POPDC1: variants seen among roughly 807,000 people sequenced by gnomAD.
POPDC1 encodes popeye domain-containing protein 1.
chr6:105,111,524 G>T, the POPDC1 span, among the ~76,000 whole-genome samples: 1 of 152,138 alleles, frequency 6.6e-6, no homozygotes, highest in Non-Finnish European at 1.5e-5. Flanking sequence ...TTCCTATCTC[G>T]CTATATTCCA....
chr6:105,134,186 A>G, the POPDC1 span, among the ~76,000 whole-genome samples: 2 of 151,988 alleles, frequency 1.3e-5, no homozygotes, highest in Non-Finnish European at 2.9e-5. Context: ...ATAGCCATAT[A>G]AACATTTATA....
At chr6:105,115,211 C>G in the POPDC1 span, among the ~76,000 whole-genome samples, 1 of 152,206 alleles carries the variant, frequency 6.6e-6, no homozygotes, top group Admixed American at 6.5e-5. Context: ...CTCAGCCTCC[C>G]GAGTAGCCAG....
At chr6:105,130,015 C>T in the POPDC1 span, among the ~76,000 whole-genome samples, 1 of 150,918 alleles carries the variant, frequency 6.6e-6, no homozygotes, top group Non-Finnish European at 1.5e-5. Flanking sequence ...CAAAAAAACC[C>T]CAAATATATG....
At chr6:105,119,184 C>CAAAA in the POPDC1 span, among the ~76,000 whole-genome samples, 5 of 111,226 alleles carry the variant, frequency 4.5e-5, no homozygotes, top group East Asian at 2.5e-4. Context: ...GACTCCCTCT[C>CAAAA]AAAAAAAAAA....
the POPDC1 span, among the ~76,000 whole-genome samples, chr6:105,134,056 A>G: frequency 6.6e-6 from 1 of 152,162 alleles, no homozygotes; most frequent in African/African-American, 2.4e-5. Context: ...ATACTTAAAA[A>G]ATATGAATAC....
chr6:105,116,746 G>T, the POPDC1 span: 1 of 1,609,992 alleles, frequency 6.2e-7, no homozygotes, highest in Non-Finnish European at 8.5e-7. Context: ...GCTTATTTGT[G>T]ATGTCTTTTC....
chr6:105,100,488 CGACA>C, the POPDC1 span: 1 of 144,960 alleles, frequency 6.9e-6, no homozygotes, highest in African/African-American at 2.6e-5. Context: ...CCAGCCTGGG[CGACA>C]GAGTGAAACT....
the POPDC1 span, among the ~76,000 whole-genome samples, chr6:105,101,913 G>A: frequency 6.6e-6 from 1 of 152,170 alleles, no homozygotes; most frequent in African/African-American, 2.4e-5. Flanking sequence ...TGGTTATCAA[G>A]CATCTACCAT....
chr6:105,097,207 G>A, the POPDC1 span: 2 of 152,008 alleles, frequency 1.3e-5, no homozygotes, highest in Admixed American at 6.6e-5. Context: ...CCTCAGCCTC[G>A]AGCTCCCCGC....
the POPDC1 span, among the ~76,000 whole-genome samples, chr6:105,114,920 A>G: frequency 3.1e-4 from 47 of 152,378 alleles, no homozygotes; most frequent in African/African-American, 1.0e-3. Flanking sequence ...ACCAGCCAGC[A>G]GCAGAACACC....
At chr6:105,124,600 TAA>T in the POPDC1 span, 1 of 1,613,052 alleles carries the variant, frequency 6.2e-7, no homozygotes, top group South Asian at 1.1e-5. Flanking sequence ...GGAGAATCTA[TAA>T]AGGCACAGGG....
chr6:105,116,165 A>T, the POPDC1 span, among the ~76,000 whole-genome samples: 426 of 152,314 alleles, frequency 2.8e-3, no homozygotes, highest in South Asian at 7.9e-3. Context: ...TTATCACAGA[A>T]ACGACGTTTT....
At chr6:105,101,222 A>C in the POPDC1 span, 3 of 1,601,468 alleles carry the variant, frequency 1.9e-6, no homozygotes, top group Non-Finnish European at 2.6e-6. Context: ...ATCTGTGGAA[A>C]GATACAGGAG....
the POPDC1 span, among the ~76,000 whole-genome samples, chr6:105,134,390 T>A: frequency 7.9e-5 from 12 of 152,124 alleles, no homozygotes; most frequent in Admixed American, 3.3e-4. Flanking sequence ...TAAAACCATT[T>A]CCTATGTTAC....
At chr6:105,111,194 C>T in the POPDC1 span, among the ~76,000 whole-genome samples, 1 of 152,144 alleles carries the variant, frequency 6.6e-6, no homozygotes, top group Admixed American at 6.5e-5. Context: ...AAAAAAAAAT[C>T]CAAATGATAG....
At chr6:105,098,121 A>T in the POPDC1 span, 1 of 152,220 alleles carries the variant, frequency 6.6e-6, no homozygotes, top group Non-Finnish European at 1.5e-5. Context: ...TCAGCTAAGT[A>T]AAGGCCAAAA....
At chr6:105,135,582 TA>T in the POPDC1 span, among the ~76,000 whole-genome samples, 5 of 152,130 alleles carry the variant, frequency 3.3e-5, no homozygotes, top group Non-Finnish European at 7.4e-5. Flanking sequence ...AAAGTGACAC[TA>T]AAAGTACCAA....
the POPDC1 span, among the ~76,000 whole-genome samples, chr6:105,123,196 TA>T: frequency 1.3e-5 from 2 of 152,218 alleles, no homozygotes; most frequent in African/African-American, 4.8e-5. Context: ...TAAATAGATT[TA>T]CCTTCTTGCC....
At chr6:105,104,085 C>T in the POPDC1 span, among the ~76,000 whole-genome samples, 1 of 152,112 alleles carries the variant, frequency 6.6e-6, no homozygotes, top group South Asian at 2.1e-4. Context: ...CCAGTCCAAG[C>T]TCTTGCAAAC....
Sources: gnomAD v4.1 joint callset for allele counts (sites outside exome capture counted in the v4.1 genomes callset) on GRCh38, gnomAD v4.1.1 for gene constraint, MANE v1.5 for transcripts, NCBI Gene and HGNC (gene_info 2026-07-23, HGNC 2026-07-21) for gene names.